C1QTNF6: variants seen among roughly 807,000 people sequenced by gnomAD.
C1QTNF6 encodes the protein C1q and TNF related 6.
A neutral mutation model predicts 20.7 loss-of-function variants in C1QTNF6; 17 were observed. The ratio of observed to expected loss-of-function variants is 0.82; its 90% confidence interval spans 0.56 to 1.23. C1QTNF6 has a LOEUF of 1.23. C1QTNF6 is among the 50% of genes most tolerant of loss of function. C1QTNF6 has a pLI of 0.00. For synonymous variants in C1QTNF6, 130 were observed against 156.3 expected (o/e 0.83, Z 1.25); for missense variants, 329 against 389.7 (o/e 0.84, Z 1.31).
chr22:37,188,029 G>A lies in C1QTNF6; in HGVS notation c.51+134C>T, dbSNP rs1924529049. On this transcript the variant is annotated intron_variant, in intron 1 of 2. Coordinates refer to ENST00000337843, the MANE Select transcript of C1QTNF6 (RefSeq NM_031910.4). ...CCAGAGGCAGGAGGAAATGTGGAGG[G>A]GAGAGCCTGGAGAGGCTGTCCCAGT... 15 of 891,478 alleles carry A rather than the reference G, an allele frequency of 1.7e-5. No homozygotes were observed. The East Asian group carries it at 3.7e-4, about 22-fold the overall frequency. The allele number at this position is 891,478 out of a possible 1,614,324, so 55.2% of individuals were successfully genotyped here. A position where few individuals can be genotyped will look rare whatever the true frequency, so the allele number is the denominator to read the frequency against.
rs759826516 is a variant in C1QTNF6 at position 37,185,262 on chromosome 22, G to A, written c.245C>T (p.Ala82Val). 8.1e-6 allele frequency: 13 copies of A among 1,604,526 alleles called. No individual in the cohort carries two copies. Among genetic ancestry groups the A allele is most frequent in the South Asian group, 1.1e-5 (1 of 89,882 alleles). Residue 82 changes from alanine to valine, a missense_variant, in exon 2 of 3, where the codon GCC becomes GTC. Ala to Val is a moderately conservative substitution (Grantham distance 64). Coordinates refer to ENST00000337843, the MANE Select transcript of C1QTNF6 (RefSeq NM_031910.4). ...AATGTAGGGTCTGATCTCAGGCAGG[G>A]CGTGGGGGCGGCCGGAGGAAGAGGC... is the stretch of plus-strand genomic sequence containing the variant. ...SSASSSGRPH[A>V]LPEIRPYINI...
At chr22:37,188,253 G>A (rs1395655987), upstream of C1QTNF6, 2 of 1,569,996 alleles carry the variant, frequency 1.3e-6, no homozygotes, top group South Asian at 1.1e-5. Context: ...ATACTAACTT[G>A]TTGCTGGCCC....
In C1QTNF6 at chr22:37,182,208, T is replaced by C. The variant is rs771422533; in HGVS notation, c.817A>G (p.Ile273Val). Residue 273 changes from isoleucine (I) to valine (V), a missense_variant, in exon 3 of 3, where the codon ATC becomes GTC. By Grantham distance (29) the Ile-to-Val change is conservative (BLOSUM62 3). Transcript: ENST00000337843. Reference protein sequence around the residue: ...DTYITFSGHLIKAEDD With the variant: ...DTYITFSGHLVKAEDD ...GGCCCTCAGTCGTCCTCGGCCTTGA[T>C]GAGGTGGCCGCTGAAGGTGATGTAG... 5.2e-5 allele frequency: 84 copies of C among 1,611,700 alleles called. 1 individual carries two copies. In the Middle Eastern group the frequency reaches 8.9e-3, roughly 171 times the overall value.
rs182559799 is a variant in C1QTNF6 at position 37,182,363 on chromosome 22, G to A, written c.662C>T (p.Ala221Val). 1.2e-4 allele frequency: 195 copies of A among 1,614,246 alleles called. No homozygotes were observed. The highest frequency in any genetic ancestry group is 1.8e-4 in the Admixed American group (11 of 60,032). Residue 221 changes from alanine to valine, a missense_variant, in exon 3 of 3, where the codon GCG becomes GTG. Ala to Val is a moderately conservative substitution (Grantham distance 64, BLOSUM62 0). Transcript: ENST00000337843. ...HNQKEAVILY[A>V]QPSERSIMQS... is the part of the protein sequence containing the mutation. ...CATGATGCTGCGCTCGCTGGGCTGC[G>A]CGTACAGGATGACAGCCTCTTTCTG...
Position 37,188,235 on chromosome 22 carries a change from T to C in C1QTNF6, c.-22A>G, listed in dbSNP as rs534478364. 1 of 1,599,532 alleles carries C rather than the reference T, an allele frequency of 6.3e-7. No homozygotes were observed. The highest frequency in any genetic ancestry group is 8.5e-7 in the Non-Finnish European group (1 of 1,173,014). ...GCATGGCCTCTGGCTCCTTGGCCCA[T>C]GTCTGCAATACTAACTTGTTGCTGG... On this transcript the variant is annotated 5_prime_UTR_variant, in exon 1 of 3. It removes an upstream start codon present in the reference 5' UTR. Coordinates refer to ENST00000337843, the MANE Select transcript of C1QTNF6 (RefSeq NM_031910.4).
In C1QTNF6 at chr22:37,184,332, T is replaced by G. The variant is rs1439590798; in HGVS notation, c.289+886A>C. On this transcript the variant is annotated intron_variant, in intron 2 of 2. Transcript: ENST00000337843. The surrounding 1 kb of genome is among the most constrained non-coding windows in gnomAD (Gnocchi z 4.0). ...GCAAAGTGGGAGGAATAAGAAAATATCGACCTCACGGGCTGTTGTGGGCAG... is the reference window on the plus strand; with the variant it reads ...GCAAAGTGGGAGGAATAAGAAAATAGCGACCTCACGGGCTGTTGTGGGCAG... 1 of 716,500 alleles carries G rather than the reference T, an allele frequency of 1.4e-6. No individual in the cohort carries two copies. The highest frequency in any genetic ancestry group is 1.5e-5 in the South Asian group (1 of 67,586). The allele number at this position is 716,500 out of a possible 1,614,324, so 44.4% of individuals were successfully genotyped here. A position where few individuals can be genotyped will look rare whatever the true frequency, so the allele number is the denominator to read the frequency against.
intron 2 of C1QTNF6, among the ~76,000 whole-genome samples, chr22:37,195,221 T>C (rs229539): frequency 0.29 from 43,735 of 152,120 alleles, 7,107 homozygotes; most frequent in East Asian, 0.58. Context: ...GGGGGACCTC[T>C]AACTCCCTAA....
chr22:37,188,351 T>G, upstream of C1QTNF6: 2 of 689,004 alleles, frequency 2.9e-6, no homozygotes, highest in Non-Finnish European at 4.5e-6. Context: ...GCAGAGCCGC[T>G]TCCCACTTCC....
At position 37,188,191 on chromosome 22, in the gene C1QTNF6, T is replaced by G. The variant is rs555023444; in HGVS notation, c.23A>C (p.Glu8Ala). The change falls in exon 1 of 3, where the codon GAG becomes GCG. Residue 8 changes from glutamate to alanine, a missense_variant. Physicochemically the swap from Glu to Ala is moderately radical, Grantham distance 107 (BLOSUM62 -1). Coordinates refer to ENST00000337843, the MANE Select transcript of C1QTNF6 (RefSeq NM_031910.4). ...GTGTCCTGTGGCCTCCCCAGGCGAC[T>G]CACGGACCCTGAGCCACTGCATGGC... The part of the protein sequence containing the change: MQWLRVR[E>A]SPGEATGHRV... 105 of 1,609,742 alleles carry G rather than the reference T, an allele frequency of 6.5e-5. No homozygotes were observed. The South Asian group carries it at 9.4e-4, about 14-fold the overall frequency.
chr22:37,186,812 G>T (rs570262453), intron 1 of C1QTNF6, among the ~76,000 whole-genome samples: 1 of 152,322 alleles, frequency 6.6e-6, no homozygotes, highest in South Asian at 2.1e-4. Context: ...ACATTTAGTA[G>T]AATTCAAAAA....
intron 2 of C1QTNF6, among the ~76,000 whole-genome samples, chr22:37,183,916 C>T (rs1414116416): frequency 6.6e-6 from 1 of 152,172 alleles, no homozygotes; most frequent in Non-Finnish European, 1.5e-5. Context: ...GCCTGACTCA[C>T]TGGGCAAGGG....
rs372061791 is a variant in C1QTNF6 at position 37,183,761 on chromosome 22, G to A, written c.290-1026C>T. Among the ~76,000 whole-genome samples, 5 of 152,372 alleles carry A rather than the reference G, an allele frequency of 3.3e-5. No homozygotes were observed. In the East Asian group the frequency reaches 7.7e-4, roughly 23 times the overall value. ...CTCCACCGCCTGGCTGGAGAACCACGTCCTCACCTGCACAGCTCTAGACCT... is the reference window on the plus strand; with the variant it reads ...CTCCACCGCCTGGCTGGAGAACCACATCCTCACCTGCACAGCTCTAGACCT... On this transcript the variant is annotated intron_variant, in intron 2 of 2. Transcript: ENST00000337843.
chr22:37,193,439 G>A (rs1924935674), intron 2 of C1QTNF6, among the ~76,000 whole-genome samples: 1 of 151,748 alleles, frequency 6.6e-6, no homozygotes, highest in Non-Finnish European at 1.5e-5. Context: ...ATCAAGAGTG[G>A]CAAGAAGACA....
chr22:37,190,173 C>G (rs767733725), upstream of C1QTNF6, among the ~76,000 whole-genome samples: 3 of 152,112 alleles, frequency 2.0e-5, no homozygotes, highest in Non-Finnish European at 4.4e-5. Flanking sequence ...TTTGAAACAC[C>G]GTTTTTCTCT....
chr22:37,198,897 G>T (rs1925315806), upstream of C1QTNF6, among the ~76,000 whole-genome samples: 1 of 152,206 alleles, frequency 6.6e-6, no homozygotes. Flanking sequence ...AGGGGCCGGG[G>T]AAAGTTTCGC....
Position 37,184,364 on chromosome 22 carries a change from A to G in C1QTNF6, c.289+854T>C. 1 of 717,292 alleles carries G rather than the reference A, an allele frequency of 1.4e-6. No individual in the cohort carries two copies. The highest frequency in any genetic ancestry group is 2.6e-6 in the Non-Finnish European group (1 of 385,044). 44.4% of individuals were successfully genotyped at this position (717,292 alleles called of 1,614,324 possible). The stretch of plus-strand genomic sequence containing the variant: ...CACGGGCTGTTGTGGGCAGAGACGG[A>G]CGCTAAGGATGTCAAGGCCTGGTCA... On this transcript the variant is annotated intron_variant, in intron 2 of 2. Coordinates refer to ENST00000337843, the MANE Select transcript of C1QTNF6 (RefSeq NM_031910.4). The surrounding 1 kb of genome is among the most constrained non-coding windows in gnomAD (Gnocchi z 4.0).
At position 37,184,838 on chromosome 22, in the gene C1QTNF6, A is replaced by G. The variant is rs1178688337; in HGVS notation, c.289+380T>C. Among the ~76,000 whole-genome samples the G allele has an allele frequency of 6.6e-6, 1 of 152,072 alleles. No individual in the cohort carries two copies. The highest frequency in any genetic ancestry group is 1.5e-5 in the Non-Finnish European group (1 of 67,996). On this transcript the variant is annotated intron_variant, in intron 2 of 2. Coordinates refer to ENST00000337843, the MANE Select transcript of C1QTNF6 (RefSeq NM_031910.4). The surrounding 1 kb of genome is among the most constrained non-coding windows in gnomAD (Gnocchi z 4.0). ...CCAGGAGGCTCCTCCACCACCTCTT[A>G]GAAGCCTGTGCTCCATGGGTCCTCC... is the stretch of plus-strand genomic sequence containing the variant.
Position 37,185,438 on chromosome 22 carries a change from G to A in C1QTNF6, c.69C>T (p.Ala23=), listed in dbSNP as rs142501897. The A allele has an allele frequency of 6.7e-4, 1,069 of 1,606,408 alleles. 1 individual carries two copies. The highest frequency in any genetic ancestry group is 8.3e-4 in the Non-Finnish European group (979 of 1,175,702). Reference sequence around the variant, plus strand: ...GCGCTGCCCAGACGGGACCCAGGGCGGCTGTCCCCATGGTGACCTGGAACA... The same window carrying A: ...GCGCTGCCCAGACGGGACCCAGGGCAGCTGTCCCCATGGTGACCTGGAACA... ...ATGHRVTMGT[A]ALGPVWAALL... The change falls in exon 2 of 3, where the codon GCC becomes GCT. Residue 23 remains alanine (A), a synonymous_variant. Coordinates refer to ENST00000337843, the MANE Select transcript of C1QTNF6 (RefSeq NM_031910.4).
intron 1 of C1QTNF6, chr22:37,185,806 A>T (rs1924274485): frequency 9.9e-7 from 1 of 1,008,268 alleles, no homozygotes; most frequent in African/African-American, 1.7e-5. Context: ...GGCAGGTGAG[A>T]AGATGCCCCA....
Sources: gnomAD v4.1 joint callset for allele counts (sites outside exome capture counted in the v4.1 genomes callset) on GRCh38, gnomAD v4.1.1 for gene constraint, Gnocchi (gnomAD v3.1) non-coding constraint, MANE v1.5 for transcripts, NCBI Gene and HGNC (gene_info 2026-07-23, HGNC 2026-07-21) for gene names.